SLC35H1: variants seen among roughly 807,000 people sequenced by gnomAD.
The protein encoded by SLC35H1 is solute carrier family 35 member H1.
chr20:46,358,534 TGAGTC>T, the SLC35H1 span: 5 of 1,614,108 alleles, frequency 3.1e-6, no homozygotes, highest in South Asian at 5.5e-5. Flanking sequence ...CCGGAGCTCC[TGAGTC>T]AGCGGGGGCA....
the SLC35H1 span, among the ~76,000 whole-genome samples, chr20:46,359,137 A>G: frequency 6.6e-6 from 1 of 152,170 alleles, no homozygotes; most frequent in Non-Finnish European, 1.5e-5. Context: ...GGCGCCTTTC[A>G]GCTCCCCAAA....
the SLC35H1 span, chr20:46,355,834 T>A: frequency 1.2e-6 from 2 of 1,613,406 alleles, no homozygotes; most frequent in Non-Finnish European, 1.7e-6. The surrounding 1 kb of genome is among the most constrained non-coding windows in gnomAD (Gnocchi z 4.8). Flanking sequence ...AGAGAGAAGA[T>A]CAAGATGAAG....
the SLC35H1 span, chr20:46,356,533 T>C: frequency 1.2e-6 from 2 of 1,608,096 alleles, no homozygotes; most frequent in South Asian, 2.2e-5. Context: ...GACAGACAGC[T>C]TCAGCCTGAA....
At chr20:46,364,292 G>C in the SLC35H1 span, 1 of 152,292 alleles carries the variant, frequency 6.6e-6, no homozygotes, top group Admixed American at 6.5e-5. Flanking sequence ...ATCCCGGGTG[G>C]GGAGCCCGCT....
chr20:46,355,086 C>G, the SLC35H1 span: 2 of 1,613,988 alleles, frequency 1.2e-6, no homozygotes, highest in African/African-American at 2.7e-5. This position sits in a 1 kb window ranked among gnomAD's most constrained non-coding sequence, Gnocchi z 4.8. Context: ...GTTCAGCCTT[C>G]TGCAGGAGCA....
chr20:46,350,702 C>T, the SLC35H1 span: 1 of 1,584,910 alleles, frequency 6.3e-7, no homozygotes, highest in Non-Finnish European at 8.6e-7. Context: ...ATCAGAATCA[C>T]TAAGAGTCAC....
chr20:46,350,518 C>T, the SLC35H1 span: 2 of 1,598,698 alleles, frequency 1.3e-6, no homozygotes, highest in Non-Finnish European at 1.7e-6. Context: ...CTTGGGGCCA[C>T]CATCACCTTG....
the SLC35H1 span, chr20:46,350,449 CG>C: frequency 2.5e-6 from 4 of 1,613,626 alleles, no homozygotes; most frequent in Non-Finnish European, 3.4e-6. Context: ...ACCTTCCTCC[CG>C]CTGGCTGCTC....
the SLC35H1 span, chr20:46,347,162 A>G: frequency 6.6e-6 from 1 of 152,224 alleles, no homozygotes; most frequent in Non-Finnish European, 1.5e-5. Context: ...ACAGGCTCGG[A>G]GAAGATCAGC....
At chr20:46,350,891 C>T in the SLC35H1 span, 1 of 1,613,722 alleles carries the variant, frequency 6.2e-7, no homozygotes, top group Non-Finnish European at 8.5e-7. Flanking sequence ...TGCAGACTTC[C>T]TGGGGGCAGA....
the SLC35H1 span, chr20:46,347,323 TG>T: frequency 6.6e-6 from 1 of 152,272 alleles, no homozygotes; most frequent in Non-Finnish European, 1.5e-5. Flanking sequence ...CAGTCCTTAC[TG>T]CACCGGGCTG....
the SLC35H1 span, chr20:46,355,861 T>C: frequency 6.2e-7 from 1 of 1,614,072 alleles, no homozygotes; most frequent in Non-Finnish European, 8.5e-7. The surrounding 1 kb of genome is among the most constrained non-coding windows in gnomAD (Gnocchi z 4.8). Flanking sequence ...GCTGAGGATT[T>C]GGTCATTGTG....
chr20:46,364,304 C>T, the SLC35H1 span: 1 of 152,266 alleles, frequency 6.6e-6, no homozygotes, highest in Non-Finnish European at 1.5e-5. Flanking sequence ...GAGCCCGCTT[C>T]CCTTCTCCAG....
At chr20:46,356,353 G>A in the SLC35H1 span, among the ~76,000 whole-genome samples, 4 of 152,170 alleles carry the variant, frequency 2.6e-5, no homozygotes, top group Admixed American at 6.5e-5. Flanking sequence ...GCTTCCCCAC[G>A]CTGCCTGGCA....
chr20:46,354,961 G>A, the SLC35H1 span: 1 of 1,613,998 alleles, frequency 6.2e-7, no homozygotes. Context: ...TGGGATTCTG[G>A]AGGCCTGCAG....
the SLC35H1 span, among the ~76,000 whole-genome samples, chr20:46,362,673 A>G: frequency 3.3e-5 from 5 of 152,148 alleles, no homozygotes; most frequent in African/African-American, 1.2e-4. Context: ...CTGCCAGTCC[A>G]ACTCCTTCAC....
the SLC35H1 span, chr20:46,352,085 G>C: frequency 6.2e-7 from 1 of 1,614,214 alleles, no homozygotes; most frequent in Non-Finnish European, 8.5e-7. Flanking sequence ...AGTGAGGCTG[G>C]AGGTTCTGGA....
At chr20:46,361,680 C>A in the SLC35H1 span, among the ~76,000 whole-genome samples, 1 of 152,336 alleles carries the variant, frequency 6.6e-6, no homozygotes, top group East Asian at 1.9e-4. Flanking sequence ...ATCCTTCCCC[C>A]CATCCCAAGT....
the SLC35H1 span, chr20:46,357,499 G>C: frequency 4.2e-6 from 5 of 1,191,770 alleles, no homozygotes; most frequent in Non-Finnish European, 5.9e-6. Context: ...AGAGGGCAGA[G>C]GAGGAACAGT....
Sources: gnomAD v4.1 joint callset for allele counts (sites outside exome capture counted in the v4.1 genomes callset) on GRCh38, gnomAD v4.1.1 for gene constraint, Gnocchi (gnomAD v3.1) non-coding constraint, MANE v1.5 for transcripts, NCBI Gene and HGNC (gene_info 2026-07-23, HGNC 2026-07-21) for gene names.